Variants in EPSTI1 observed in about 807,000 individuals in gnomAD.
EPSTI1 encodes epithelial-stromal interaction protein 1.
Under a neutral mutation model 49.9 loss-of-function variants are expected in EPSTI1, and 66 were observed. The ratio of observed to expected loss-of-function variants is 1.32; its 90% CI spans 1.08 to 1.62. The LOEUF (loss-of-function observed/expected upper bound fraction) is 1.62, where lower values mean the gene tolerates loss of function less well. EPSTI1 is among the 40% of genes most tolerant of loss of function. EPSTI1 has a pLI of 0.00. For synonymous variants in EPSTI1, 137 were observed against 130.7 expected, an observed-to-expected ratio of 1.05 and a Z score of -0.33; for missense variants, 394 against 365.5, an observed-to-expected ratio of 1.08 and a Z score of -0.64.
chr13:42,929,423 C>A lies in EPSTI1; in HGVS notation c.564-2994G>T, dbSNP rs185934432. 2.0e-5 allele frequency among the ~76,000 whole-genome samples: 3 copies of A among 152,314 alleles called. No individual in the cohort carries two copies. The East Asian group carries it at 5.8e-4, about 29-fold the overall frequency. On this transcript the variant is annotated intron_variant, in intron 6 of 10. Coordinates refer to ENST00000313624, the MANE Select transcript of EPSTI1 (RefSeq NM_033255.5). ...CATTCTGATGGCACTCAATCCAGAG[C>A]AACTCCCTGCCTCCGTAGACCCTCC...
chr13:42,978,495 G>C (rs1396673183), intron 1 of EPSTI1, among the ~76,000 whole-genome samples: 1 of 152,216 alleles, frequency 6.6e-6, no homozygotes, highest in African/African-American at 2.4e-5. Context: ...GGCTGACTTT[G>C]AATAGAATGC....
chr13:42,942,846 G>A (rs532229964), intron 6 of EPSTI1, among the ~76,000 whole-genome samples: 93 of 151,120 alleles, frequency 6.2e-4, no homozygotes, highest in African/African-American at 9.7e-4. Context: ...CCGCCACCGC[G>A]CCCGGCTAAT....
At chr13:42,970,480 A>G in intron 2 of EPSTI1, 132 bp downstream of exon 2, 1 of 705,464 alleles carries the variant, frequency 1.4e-6, no homozygotes, top group Non-Finnish European at 2.2e-6. Flanking sequence ...AATCAAAACT[A>G]AAAAAAACAA....
chr13:42,925,687 G>A (rs1218433859), intron 7 of EPSTI1, among the ~76,000 whole-genome samples: 2 of 152,180 alleles, frequency 1.3e-5, no homozygotes, highest in Non-Finnish European at 2.9e-5. Flanking sequence ...CACAAGCCAT[G>A]CTTATTTCTT....
chr13:42,896,165 A>T (rs2037183460), intron 9 of EPSTI1, among the ~76,000 whole-genome samples: 1 of 152,126 alleles, frequency 6.6e-6, no homozygotes, highest in Non-Finnish European at 1.5e-5. Context: ...CAACAACTTT[A>T]GGTCCCATCG....
At chr13:42,908,928 CAAA>C (rs60335271) in intron 8 of EPSTI1, among the ~76,000 whole-genome samples, 10 of 133,380 alleles carry the variant, frequency 7.5e-5, no homozygotes, top group Non-Finnish European at 9.5e-5. Flanking sequence ...ACTAAAAATA[CAAA>C]AAAAAAAAAA....
intron 1 of EPSTI1, among the ~76,000 whole-genome samples, chr13:42,972,213 C>T (rs1391627427): frequency 6.6e-6 from 1 of 152,158 alleles, no homozygotes; most frequent in Non-Finnish European, 1.5e-5. Context: ...TCTCTCTATA[C>T]CACAAATTTG....
At chr13:42,899,979 T>C (rs4942173) in intron 9 of EPSTI1, among the ~76,000 whole-genome samples, 134,903 of 152,158 alleles carry the variant, frequency 0.89, 60,676 homozygotes, top group Non-Finnish European at 0.97. Flanking sequence ...AATGGTAGAC[T>C]ATCGTCTCAA....
At chr13:42,942,232 C>G (rs2038775811) in intron 6 of EPSTI1, among the ~76,000 whole-genome samples, 1 of 152,020 alleles carries the variant, frequency 6.6e-6, no homozygotes, top group South Asian at 2.1e-4. Context: ...TCAAATATAG[C>G]TAGATTTGTA....
intron 10 of EPSTI1, chr13:42,889,157 C>T: frequency 7.1e-7 from 1 of 1,405,076 alleles, no homozygotes; most frequent in Non-Finnish European, 9.9e-7. Context: ...CAAAGAGCCT[C>T]ACCTATTGTA....
rs1555259496 is a variant in EPSTI1 at position 42,911,264 on chromosome 13, T to TGCGC, written c.741+6273_741+6276dup. On this transcript the variant is annotated intron_variant, in intron 8 of 10. Coordinates refer to ENST00000313624, the MANE Select transcript of EPSTI1 (RefSeq NM_033255.5). ...GAGAGAGTGTGTGTGTGTGTGTGTG[T>TGCGC]GCGCGCGCACGCGCGCACACGTGTG... Among the ~76,000 whole-genome samples the TGCGC allele has an allele frequency of 6.8e-3, 1,016 of 148,538 alleles. 22 individuals carry two copies. The highest frequency in any genetic ancestry group is 0.044 in the Admixed American group (662 of 15,122).
chr13:42,977,338 C>A (rs1171403829), intron 1 of EPSTI1, among the ~76,000 whole-genome samples: 2 of 152,330 alleles, frequency 1.3e-5, no homozygotes, highest in South Asian at 2.1e-4. Context: ...AATAGCACTT[C>A]TGTATTATTC....
At chr13:42,942,721 G>A (rs560377906) in intron 6 of EPSTI1, among the ~76,000 whole-genome samples, 7 of 115,292 alleles carry the variant, frequency 6.1e-5, no homozygotes, top group South Asian at 3.1e-4. Context: ...TTGCTCTGTC[G>A]CCCAGGCCGG....
intron 1 of EPSTI1, among the ~76,000 whole-genome samples, chr13:42,988,736 A>C (rs2040130465): frequency 6.6e-6 from 1 of 152,046 alleles, no homozygotes; most frequent in Non-Finnish European, 1.5e-5. Context: ...GTCTCAAAAA[A>C]AAAAAAAAAG....
chr13:42,900,035 T>C (rs2037308859), intron 9 of EPSTI1, among the ~76,000 whole-genome samples: 2 of 152,156 alleles, frequency 1.3e-5, no homozygotes, highest in African/African-American at 2.4e-5. Context: ...TATACCTTAA[T>C]TGAACACACA....
intron 6 of EPSTI1, among the ~76,000 whole-genome samples, chr13:42,943,930 A>G (rs889666679): frequency 6.6e-6 from 1 of 152,240 alleles, no homozygotes; most frequent in African/African-American, 2.4e-5. Context: ...GCTCACTATC[A>G]CTGGTCATTA....
chr13:42,937,385 CTCTT>C (rs1335381629), intron 6 of EPSTI1, among the ~76,000 whole-genome samples: 2 of 152,188 alleles, frequency 1.3e-5, no homozygotes, highest in African/African-American at 2.4e-5. Context: ...CATCAATTGA[CTCTT>C]TCTTTCATGA....
intron 6 of EPSTI1, among the ~76,000 whole-genome samples, chr13:42,949,535 T>C (rs78759217): frequency 6.8e-6 from 1 of 146,222 alleles, no homozygotes; most frequent in African/African-American, 2.6e-5. Context: ...GCAGTTGCAG[T>C]GAGCTGAGAT....
At chr13:42,945,622 G>A (rs2038896389) in intron 6 of EPSTI1, among the ~76,000 whole-genome samples, 1 of 152,190 alleles carries the variant, frequency 6.6e-6, no homozygotes, top group Non-Finnish European at 1.5e-5. Flanking sequence ...AAACATGTAA[G>A]ACAATGAAGA....
Sources: allele counts gnomAD v4.1 joint callset (sites outside exome capture counted in the v4.1 genomes callset), GRCh38; gene constraint gnomAD v4.1.1; transcripts MANE v1.5; gene names NCBI Gene and HGNC (gene_info 2026-07-23, HGNC 2026-07-21).